The following DNAJC5B variants were observed in gnomAD, a reference collection of about 807,000 sequenced individuals.
The protein encoded by DNAJC5B is dnaJ homolog subfamily C member 5B.
Under a neutral mutation model 24.7 loss-of-function variants are expected in DNAJC5B, and 23 were observed. The observed-to-expected ratio is 0.93, with a 90% CI of 0.67 to 1.32. The LOEUF (loss-of-function observed/expected upper bound fraction) is 1.32, where lower values mean the gene tolerates loss of function less well. Among genes scored for constraint, DNAJC5B ranks in the 40% most tolerant of loss-of-function variants. The probability of loss-of-function intolerance (pLI) is 0.00; values close to 1 mark genes in which losing one functional copy is unlikely to be tolerated. For missense variants in DNAJC5B, 238 were observed against 240.8 expected, an observed-to-expected ratio of 0.99 and a Z score of 0.08; for synonymous variants, 101 against 90.1, an observed-to-expected ratio of 1.12 and a Z score of -0.68.
At chr8:66,046,882 T>TGCACAAACTTTG in intron 2 of DNAJC5B, among the ~76,000 whole-genome samples, 1 of 152,246 alleles carries the variant, frequency 6.6e-6, no homozygotes, top group Non-Finnish European at 1.5e-5. Context: ...CTCCGGATGG[T>TGCACAAACTTTG]GCACAAACTT....
upstream of DNAJC5B, among the ~76,000 whole-genome samples, chr8:66,017,967 C>T (rs1374387583): frequency 1.3e-5 from 2 of 152,124 alleles, no homozygotes; most frequent in South Asian, 2.1e-4. Context: ...TTTCTGAATA[C>T]GTAAAGACTC....
At chr8:66,095,678 CA>C (rs1807936940) in intron 5 of DNAJC5B, among the ~76,000 whole-genome samples, 1 of 151,538 alleles carries the variant, frequency 6.6e-6, no homozygotes, top group Non-Finnish European at 1.5e-5. Flanking sequence ...CACACACACA[CA>C]CACACACACA....
chr8:66,040,884 C>T (rs1453211531), intron 1 of DNAJC5B, among the ~76,000 whole-genome samples: 3 of 152,114 alleles, frequency 2.0e-5, no homozygotes, highest in African/African-American at 7.2e-5. Flanking sequence ...CCCTTTGTAA[C>T]TTCTCTTTAA....
chr8:66,049,081 G>A (rs2128959473), intron 2 of DNAJC5B, among the ~76,000 whole-genome samples: 1 of 152,318 alleles, frequency 6.6e-6, no homozygotes, highest in Non-Finnish European at 1.5e-5. Context: ...TGAAGACCTA[G>A]CCCACACTTT....
chr8:66,033,965 G>A (rs1806418712), intron 1 of DNAJC5B, among the ~76,000 whole-genome samples: 1 of 152,044 alleles, frequency 6.6e-6, no homozygotes, highest in Non-Finnish European at 1.5e-5. Flanking sequence ...CTTGACCTGG[G>A]ATGCTCAGAA....
At chr8:66,064,947 G>T (rs1807158063) in intron 3 of DNAJC5B, among the ~76,000 whole-genome samples, 1 of 152,124 alleles carries the variant, frequency 6.6e-6, no homozygotes, top group African/African-American at 2.4e-5. Context: ...TGACCAGAAA[G>T]CTACCTTAAA....
intron 5 of DNAJC5B, among the ~76,000 whole-genome samples, chr8:66,098,168 T>G (rs903486553): frequency 1.3e-4 from 19 of 151,628 alleles, no homozygotes; most frequent in South Asian, 6.3e-4. Flanking sequence ...ATCTTTATCT[T>G]TTGTTCTGCA....
intron 3 of DNAJC5B, among the ~76,000 whole-genome samples, chr8:66,054,755 T>G (rs571028237): frequency 6.6e-6 from 1 of 152,336 alleles, no homozygotes; most frequent in Admixed American, 6.5e-5. Context: ...AAGTCTTTGC[T>G]GTTTCATTTT....
chr8:66,041,456 A>T (rs955190486), intron 1 of DNAJC5B, among the ~76,000 whole-genome samples: 2 of 152,200 alleles, frequency 1.3e-5, no homozygotes, highest in East Asian at 3.8e-4. Context: ...GGCAATTGAA[A>T]GAGGTGTATA....
At chr8:66,093,531 C>T (rs993926886) in intron 5 of DNAJC5B, among the ~76,000 whole-genome samples, 6 of 152,084 alleles carry the variant, frequency 3.9e-5, no homozygotes, top group African/African-American at 1.4e-4. Context: ...TTGGGTTTCC[C>T]CTTCTATGAA....
chr8:66,043,247 A>G (rs1045943538), intron 1 of DNAJC5B, among the ~76,000 whole-genome samples: 1 of 152,222 alleles, frequency 6.6e-6, no homozygotes, highest in Non-Finnish European at 1.5e-5. Context: ...GCCTTAGATC[A>G]AAAAGGAAAT....
At chr8:66,048,769 C>T (rs1302287199) in intron 2 of DNAJC5B, among the ~76,000 whole-genome samples, 1 of 152,180 alleles carries the variant, frequency 6.6e-6, no homozygotes, top group Non-Finnish European at 1.5e-5. Flanking sequence ...GAACCAAGTT[C>T]TACTGCAGAA....
At chr8:66,084,149 G>T (rs1807667264) in intron 5 of DNAJC5B, among the ~76,000 whole-genome samples, 1 of 152,154 alleles carries the variant, frequency 6.6e-6, no homozygotes, top group Admixed American at 6.5e-5. Flanking sequence ...CAGAGCTCAG[G>T]CTGGTTAAGG....
chr8:66,042,728 C>T (rs1403371458), intron 1 of DNAJC5B, among the ~76,000 whole-genome samples: 1 of 132,690 alleles, frequency 7.5e-6, no homozygotes, highest in African/African-American at 2.8e-5. Flanking sequence ...CTCCTCGCAC[C>T]CCTCTTCTTC....
At chr8:66,085,283 T>A (rs1245041243) in intron 5 of DNAJC5B, among the ~76,000 whole-genome samples, 2 of 152,024 alleles carry the variant, frequency 1.3e-5, no homozygotes, top group African/African-American at 4.8e-5. Flanking sequence ...CTACTAAAAA[T>A]ACAATAATTA....
chr8:66,051,090 G>A (rs1490472705), intron 2 of DNAJC5B, among the ~76,000 whole-genome samples: 1 of 152,168 alleles, frequency 6.6e-6, no homozygotes, highest in African/African-American at 2.4e-5. Flanking sequence ...CTGAAATTTA[G>A]TATAATTTGG....
the DNAJC5B span, among the ~76,000 whole-genome samples, chr8:66,015,740 C>T: frequency 6.6e-6 from 1 of 152,012 alleles, no homozygotes; most frequent in African/African-American, 2.4e-5. Flanking sequence ...TAAGAGTGGG[C>T]ACAGATGTGG....
chr8:66,073,229 GA>G (rs892529273), intron 3 of DNAJC5B, among the ~76,000 whole-genome samples: 13 of 151,680 alleles, frequency 8.6e-5, no homozygotes, highest in South Asian at 2.1e-4. Context: ...CATAAAAATA[GA>G]AAAAAATTAT....
chr8:66,054,852 G>C (rs1395195119), intron 3 of DNAJC5B, among the ~76,000 whole-genome samples: 2 of 152,158 alleles, frequency 1.3e-5, no homozygotes, highest in Non-Finnish European at 2.9e-5. Context: ...GAATTTGACT[G>C]AAGGCTTCAG....
Sources: gnomAD v4.1 joint callset for allele counts (sites outside exome capture counted in the v4.1 genomes callset) on GRCh38, gnomAD v4.1.1 for gene constraint, MANE v1.5 for transcripts, NCBI Gene and HGNC (gene_info 2026-07-23, HGNC 2026-07-21) for gene names.